ZNF804B: variants seen among roughly 807,000 people sequenced by gnomAD.
ZNF804B encodes zinc finger protein 804B.
A neutral mutation model predicts 101.4 loss-of-function variants in ZNF804B; 80 were observed. That is an observed-to-expected ratio of 0.79 (90% CI 0.66 to 0.95). The LOEUF (loss-of-function observed/expected upper bound fraction) is 0.95. Among genes scored for constraint, ZNF804B ranks in the 40% least tolerant of loss-of-function variants. The pLI, the probability that ZNF804B is intolerant of heterozygous loss-of-function variation, is 0.00. For missense variants in ZNF804B, 1,673 were observed against 1,561.9 expected (o/e 1.07, Z -1.20); for synonymous variants, 622 against 558.8 (o/e 1.11, Z -1.59).
intron 1 of ZNF804B, among the ~76,000 whole-genome samples, chr7:89,047,062 G>T (rs1406778395): frequency 1.3e-5 from 2 of 151,952 alleles, no homozygotes; most frequent in African/African-American, 4.8e-5. Flanking sequence ...TCCTTTGAGG[G>T]TTTTAAAATT....
intron 1 of ZNF804B, among the ~76,000 whole-genome samples, chr7:88,919,345 T>A (rs1792685489): frequency 6.6e-6 from 1 of 152,114 alleles, no homozygotes; most frequent in South Asian, 2.1e-4. Context: ...AAAAGAAGTT[T>A]TAATGATTCA....
At chr7:89,131,889 T>G (rs544121296) in intron 1 of ZNF804B, among the ~76,000 whole-genome samples, 1 of 152,102 alleles carries the variant, frequency 6.6e-6, no homozygotes, top group Non-Finnish European at 1.5e-5. Flanking sequence ...ACACGAATCT[T>G]AGGCTAAGAC....
chr7:88,810,144 TATA>T (rs1243924460), intron 1 of ZNF804B, among the ~76,000 whole-genome samples: 1 of 152,152 alleles, frequency 6.6e-6, no homozygotes, highest in Non-Finnish European at 1.5e-5. Context: ...TAGTTTGAAA[TATA>T]ATGAGTTTTA....
At chr7:89,257,255 A>T in intron 2 of ZNF804B, among the ~76,000 whole-genome samples, 1 of 152,296 alleles carries the variant, frequency 6.6e-6, no homozygotes, top group African/African-American at 2.4e-5. Context: ...GAAGGAAATT[A>T]GAGATTATCC....
chr7:89,050,499 G>A (rs183488176), intron 1 of ZNF804B, among the ~76,000 whole-genome samples: 46 of 152,282 alleles, frequency 3.0e-4, no homozygotes, highest in African/African-American at 9.1e-4. Flanking sequence ...ATCATAGTGC[G>A]TGATCCTTGG....
intron 1 of ZNF804B, among the ~76,000 whole-genome samples, chr7:88,849,986 T>C (rs1296801931): frequency 1.3e-5 from 2 of 152,134 alleles, no homozygotes; most frequent in African/African-American, 4.8e-5. Context: ...TACCTGAGTA[T>C]AAATACATGA....
chr7:89,202,687 C>A (rs185483130), intron 1 of ZNF804B, among the ~76,000 whole-genome samples: 16 of 152,204 alleles, frequency 1.1e-4, no homozygotes, highest in Admixed American at 1.0e-3. Flanking sequence ...AGGAAATAGA[C>A]CCTCCTGAAT....
intron 1 of ZNF804B, among the ~76,000 whole-genome samples, chr7:89,113,967 G>A (rs1409720215): frequency 6.6e-6 from 1 of 151,420 alleles, no homozygotes; most frequent in African/African-American, 2.4e-5. Flanking sequence ...TAATTAAAAG[G>A]AATTTCCTTC....
chr7:88,826,122 T>G (rs565017341), intron 1 of ZNF804B, among the ~76,000 whole-genome samples: 1 of 152,256 alleles, frequency 6.6e-6, no homozygotes, highest in African/African-American at 2.4e-5. Flanking sequence ...AAGAAAATAC[T>G]TAGAAGTGAA....
chr7:88,788,251 C>T (rs1790331690), intron 1 of ZNF804B, among the ~76,000 whole-genome samples: 1 of 152,054 alleles, frequency 6.6e-6, no homozygotes, highest in Non-Finnish European at 1.5e-5. Context: ...TCCAGAACCC[C>T]TAATCATGGC....
chr7:89,111,312 TC>T (rs1434593835), intron 1 of ZNF804B, among the ~76,000 whole-genome samples: 4 of 152,234 alleles, frequency 2.6e-5, no homozygotes, highest in Admixed American at 2.0e-4. Flanking sequence ...TGTCAAACTG[TC>T]TTCCAAAGTG....
intron 1 of ZNF804B, among the ~76,000 whole-genome samples, chr7:88,854,887 G>C (rs1002005612): frequency 1.3e-5 from 2 of 151,272 alleles, no homozygotes; most frequent in Non-Finnish European, 2.9e-5. Flanking sequence ...AGTTTGTTGA[G>C]AATGATGGTT....
chr7:89,335,502 T>TA lies in ZNF804B; in HGVS notation c.2526dup (p.Pro843ThrfsTer3), dbSNP rs780279371. 5.6e-6 allele frequency: 9 copies of TA among 1,613,844 alleles called. No individual in the cohort carries two copies. Among genetic ancestry groups the TA allele is most frequent in the Admixed American group, 3.3e-5 (2 of 59,942 alleles). On this transcript the variant is annotated frameshift_variant, in exon 4 of 4. Transcript: ENST00000333190. LOFTEE classifies it high-confidence loss of function. ...CACAGATTTCCTGTACTGGAAGCAG[T>TA]AAAAAACCACCTAATTGCCAGGGAA... is the stretch of plus-strand genomic sequence containing the variant.
At chr7:89,316,017 C>G (rs915159172) in intron 2 of ZNF804B, among the ~76,000 whole-genome samples, 30 of 152,072 alleles carry the variant, frequency 2.0e-4, no homozygotes, top group African/African-American at 7.2e-4. Context: ...GTGTGTGTGT[C>G]TGTGTATGCA....
chr7:88,807,303 G>C (rs554366091), intron 1 of ZNF804B, among the ~76,000 whole-genome samples: 1 of 151,746 alleles, frequency 6.6e-6, no homozygotes, highest in African/African-American at 2.4e-5. Context: ...AAGATATAAA[G>C]GTGAACAATA....
chr7:88,882,326 C>T (rs924491560), intron 1 of ZNF804B, among the ~76,000 whole-genome samples: 2 of 152,032 alleles, frequency 1.3e-5, no homozygotes, highest in African/African-American at 4.8e-5. Context: ...CAATGAAATA[C>T]CATTTCACAC....
intron 2 of ZNF804B, among the ~76,000 whole-genome samples, chr7:89,256,293 C>G (rs1789631228): frequency 6.6e-6 from 1 of 152,106 alleles, no homozygotes; most frequent in Non-Finnish European, 1.5e-5. Flanking sequence ...GTGGCTCAAG[C>G]CTGTAATCCC....
At chr7:89,289,093 A>T (rs545672648) in intron 2 of ZNF804B, among the ~76,000 whole-genome samples, 23 of 152,218 alleles carry the variant, frequency 1.5e-4, no homozygotes, top group Non-Finnish European at 2.8e-4. Context: ...GACACAAATT[A>T]AAAGAAAATA....
chr7:88,854,458 T>TTC (rs1791510643), intron 1 of ZNF804B, among the ~76,000 whole-genome samples: 2 of 128,120 alleles, frequency 1.6e-5, no homozygotes, highest in Non-Finnish European at 3.2e-5. Flanking sequence ...TTTCTTTCTT[T>TTC]CTTTCTTTCT....
Sources: allele counts gnomAD v4.1 joint callset (sites outside exome capture counted in the v4.1 genomes callset), GRCh38; gene constraint gnomAD v4.1.1; transcripts MANE v1.5; gene names NCBI Gene and HGNC (gene_info 2026-07-23, HGNC 2026-07-21).